Variants in CNTN4 observed in about 807,000 individuals in gnomAD.
CNTN4 encodes contactin-4.
A neutral mutation model predicts 122.5 loss-of-function variants in CNTN4; 77 were observed. The observed-to-expected ratio is 0.63, with a 90% CI of 0.52 to 0.76. CNTN4 has a LOEUF of 0.76. Ranked by LOEUF, CNTN4 falls within the 30% of genes least tolerant of loss-of-function variation. The pLI is 0.00. For missense variants in CNTN4, 1,256 were observed against 1,259.1 expected (o/e 1.00, Z 0.04); for synonymous variants, 512 against 447.0 (o/e 1.15, Z -1.83).
chr3:2,525,094 C>T (rs758120224), intron 3 of CNTN4, among the ~76,000 whole-genome samples: 16 of 152,072 alleles, frequency 1.1e-4, no homozygotes, highest in African/African-American at 2.7e-4. Context: ...CTGAATATGA[C>T]GACCTGGATG....
chr3:2,220,930 T>TA, intron 2 of CNTN4, among the ~76,000 whole-genome samples: 1 of 152,116 alleles, frequency 6.6e-6, no homozygotes, highest in Non-Finnish European at 1.5e-5. Context: ...GAGAAGTGAA[T>TA]ATTTCTGTCC....
At chr3:2,518,416 A>T (rs2149123540) in intron 3 of CNTN4, among the ~76,000 whole-genome samples, 1 of 152,288 alleles carries the variant, frequency 6.6e-6, no homozygotes, top group African/African-American at 2.4e-5. Flanking sequence ...TCACTTGAGA[A>T]ACATTCTTGA....
intron 3 of CNTN4, among the ~76,000 whole-genome samples, chr3:2,532,537 A>G (rs1157866653): frequency 6.6e-6 from 1 of 152,196 alleles, no homozygotes; most frequent in African/African-American, 2.4e-5. Flanking sequence ...CAAAATTGTA[A>G]GTAGAAGTTG....
At chr3:2,925,176 A>G (rs2094461681) in intron 12 of CNTN4, among the ~76,000 whole-genome samples, 1 of 152,212 alleles carries the variant, frequency 6.6e-6, no homozygotes, top group Non-Finnish European at 1.5e-5. Flanking sequence ...AAAGTTTACT[A>G]AATCCATCAA....
chr3:2,720,079 G>C (rs78829163), intron 4 of CNTN4, among the ~76,000 whole-genome samples: 184 of 152,286 alleles, frequency 1.2e-3, no homozygotes, highest in African/African-American at 4.3e-3. Context: ...AGTAAGTAAA[G>C]TATTATAAGT....
chr3:3,033,541 G>A (rs543046667), intron 16 of CNTN4, among the ~76,000 whole-genome samples: 137 of 152,156 alleles, frequency 9.0e-4, no homozygotes, highest in Non-Finnish European at 1.5e-3. Flanking sequence ...GACATGGCCT[G>A]ATAGTATTTG....
chr3:2,124,227 A>G (rs2033980761), intron 2 of CNTN4, among the ~76,000 whole-genome samples: 1 of 152,146 alleles, frequency 6.6e-6, no homozygotes, highest in Admixed American at 6.5e-5. Context: ...AAAAATATGA[A>G]CAAGGCAGTA....
intron 8 of CNTN4, among the ~76,000 whole-genome samples, chr3:2,881,952 C>G (rs1191326584): frequency 2.0e-5 from 3 of 152,200 alleles, no homozygotes; most frequent in Non-Finnish European, 2.9e-5. Context: ...TAATTCCAAA[C>G]TCTTTATGGG....
chr3:3,036,449 G>A (rs1699612687), intron 17 of CNTN4, among the ~76,000 whole-genome samples: 1 of 152,026 alleles, frequency 6.6e-6, no homozygotes, highest in South Asian at 2.1e-4. Context: ...CTGTTAAATG[G>A]GCACAATAAG....
intron 8 of CNTN4, among the ~76,000 whole-genome samples, chr3:2,877,638 G>C (rs1206731159): frequency 6.6e-6 from 1 of 151,734 alleles, no homozygotes; most frequent in Non-Finnish European, 1.5e-5. Context: ...ACCTGGGTAG[G>C]TCTTTACATC....
chr3:3,050,462 G>C (rs1047658380), intron 23 of CNTN4, among the ~76,000 whole-genome samples: 1 of 151,898 alleles, frequency 6.6e-6, no homozygotes, highest in Non-Finnish European at 1.5e-5. Flanking sequence ...GGTAGTCTTC[G>C]TTAAAAATCC....
intron 4 of CNTN4, among the ~76,000 whole-genome samples, chr3:2,612,275 C>T (rs907254688): frequency 6.6e-6 from 1 of 152,058 alleles, no homozygotes; most frequent in East Asian, 1.9e-4. Context: ...CCCAGCCTAA[C>T]TTAAACATAA....
intron 3 of CNTN4, among the ~76,000 whole-genome samples, chr3:2,520,497 C>A (rs1575833384): frequency 1.3e-5 from 2 of 152,002 alleles, no homozygotes; most frequent in East Asian, 3.9e-4. Flanking sequence ...TGGTCTCGAA[C>A]TCCTGACCTC....
chr3:2,796,597 A>C (rs2092190569), intron 6 of CNTN4, among the ~76,000 whole-genome samples: 1 of 152,232 alleles, frequency 6.6e-6, no homozygotes, highest in Admixed American at 6.5e-5. Flanking sequence ...ATTCAATGAA[A>C]TCTAATTTAG....
At chr3:2,564,288 T>C (rs1274363603) in intron 3 of CNTN4, among the ~76,000 whole-genome samples, 1 of 152,150 alleles carries the variant, frequency 6.6e-6, no homozygotes, top group African/African-American at 2.4e-5. Context: ...TTTAAAAAAT[T>C]ACAATAAGTG....
At chr3:2,646,715 A>G (rs6442742) in intron 4 of CNTN4, among the ~76,000 whole-genome samples, 65,218 of 152,032 alleles carry the variant, frequency 0.43, 14,639 homozygotes, top group East Asian at 0.66. Context: ...GAAGTCCAAG[A>G]TCAAGGCTTC....
chr3:2,809,919 C>A lies in CNTN4; in HGVS notation c.359-9567C>A, dbSNP rs967185220. 3.3e-5 allele frequency among the ~76,000 whole-genome samples: 5 copies of A among 152,060 alleles called. 1 individual carries two copies. The highest frequency in any genetic ancestry group is 4.4e-5 in the Non-Finnish European group (3 of 68,020). Reference sequence around the variant, plus strand: ...CAAAGAAATGAGGAAAAGGAAAGAACTAAAATGAGAAATAAAAATAGCCAT... The same window carrying A: ...CAAAGAAATGAGGAAAAGGAAAGAAATAAAATGAGAAATAAAAATAGCCAT... On this transcript the variant is annotated intron_variant, in intron 6 of 24. Transcript: ENST00000418658.
chr3:2,899,523 A>T (rs2094150142), intron 10 of CNTN4, among the ~76,000 whole-genome samples: 1 of 152,162 alleles, frequency 6.6e-6, no homozygotes, highest in Non-Finnish European at 1.5e-5. Flanking sequence ...GAATATGTTT[A>T]TCATTATTCT....
At chr3:2,772,869 G>A (rs1482464520) in intron 6 of CNTN4, among the ~76,000 whole-genome samples, 2 of 152,196 alleles carry the variant, frequency 1.3e-5, no homozygotes. Context: ...GGTAGGTGAA[G>A]TTGAAAGAGC....
Sources: allele counts gnomAD v4.1 joint callset (sites outside exome capture counted in the v4.1 genomes callset), GRCh38; gene constraint gnomAD v4.1.1; transcripts MANE v1.5; gene names NCBI Gene and HGNC (gene_info 2026-07-23, HGNC 2026-07-21).